LYZL4: variants seen among roughly 807,000 people sequenced by gnomAD.
LYZL4 encodes the protein lysozyme-like protein 4.
A neutral mutation model predicts 17.6 loss-of-function variants in LYZL4; 13 were observed. The ratio of observed to expected loss-of-function variants is 0.74; its 90% CI spans 0.48 to 1.18. The LOEUF (loss-of-function observed/expected upper bound fraction) is 1.18. LYZL4 is among the 50% of genes most tolerant of loss of function. The pLI is 0.00. For synonymous variants in LYZL4, 64 were observed against 67.7 expected (o/e 0.95, Z 0.27); for missense variants, 174 against 188.2 (o/e 0.92, Z 0.44).
At chr3:42,372,051 C>T in the LYZL4 span, among the ~76,000 whole-genome samples, 1 of 152,188 alleles carries the variant, frequency 6.6e-6, no homozygotes, top group Admixed American at 6.5e-5. Context: ...TGTCTCAGCA[C>T]AATTGGTTCC....
At chr3:42,378,529 C>G in the LYZL4 span, among the ~76,000 whole-genome samples, 1 of 152,230 alleles carries the variant, frequency 6.6e-6, no homozygotes, top group African/African-American at 2.4e-5. Context: ...GTCTCCACCA[C>G]TGAACACATG....
At chr3:42,378,661 A>G in the LYZL4 span, among the ~76,000 whole-genome samples, 2 of 151,822 alleles carry the variant, frequency 1.3e-5, no homozygotes, top group African/African-American at 4.8e-5. Context: ...GTGCACCTCA[A>G]CTCAGCTGGT....
downstream of LYZL4, among the ~76,000 whole-genome samples, chr3:42,395,560 T>C (rs191043527): frequency 3.2e-3 from 493 of 152,304 alleles, 4 homozygotes; most frequent in South Asian, 6.4e-3. Flanking sequence ...TAAGTCAGGA[T>C]TGCCCACTTT....
At chr3:42,376,681 C>G in the LYZL4 span, among the ~76,000 whole-genome samples, 1 of 152,170 alleles carries the variant, frequency 6.6e-6, no homozygotes, top group African/African-American at 2.4e-5. Context: ...ATATGAGCAG[C>G]ACCTGGCCCT....
At chr3:42,368,911 T>C in the LYZL4 span, among the ~76,000 whole-genome samples, 1 of 152,382 alleles carries the variant, frequency 6.6e-6, no homozygotes, top group Admixed American at 6.5e-5. Context: ...TATTTGTTTA[T>C]TGGCCACTTG....
chr3:42,405,111 C>T (rs190472788), intron 3 of LYZL4, among the ~76,000 whole-genome samples: 3 of 152,174 alleles, frequency 2.0e-5, no homozygotes, highest in East Asian at 1.9e-4. Context: ...TACTGTGGCG[C>T]GATCTGGGCT....
chr3:42,408,905 C>G (rs1451706846), intron 1 of LYZL4, among the ~76,000 whole-genome samples: 1 of 152,140 alleles, frequency 6.6e-6, no homozygotes, highest in Non-Finnish European at 1.5e-5. Context: ...CAAAAATGTT[C>G]CTATGGGACA....
At chr3:42,365,055 T>C in the LYZL4 span, among the ~76,000 whole-genome samples, 2 of 152,184 alleles carry the variant, frequency 1.3e-5, no homozygotes, top group Non-Finnish European at 2.9e-5. Flanking sequence ...AACATGTCAG[T>C]GTCATACAAA....
intron 4 of LYZL4, among the ~76,000 whole-genome samples, chr3:42,401,410 T>C (rs950458193): frequency 2.6e-5 from 4 of 152,042 alleles, no homozygotes; most frequent in African/African-American, 9.7e-5. Context: ...GAGATGGGGT[T>C]TCGCCATGTT....
chr3:42,406,230 G>A (rs1288054932), intron 3 of LYZL4, among the ~76,000 whole-genome samples: 1 of 152,144 alleles, frequency 6.6e-6, no homozygotes, highest in Non-Finnish European at 1.5e-5. Context: ...GAGACGGGCA[G>A]ATCACGAGGT....
the LYZL4 span, among the ~76,000 whole-genome samples, chr3:42,381,827 G>A: frequency 6.6e-6 from 1 of 152,232 alleles, no homozygotes; most frequent in East Asian, 1.9e-4. Flanking sequence ...AAGACACTCA[G>A]TGGGAGAGAC....
the LYZL4 span, among the ~76,000 whole-genome samples, chr3:42,373,489 C>T: frequency 6.6e-6 from 1 of 152,092 alleles, no homozygotes; most frequent in Non-Finnish European, 1.5e-5. Flanking sequence ...ACACACACAC[C>T]CTTACCCAGC....
chr3:42,406,820 C>G, intron 3 of LYZL4, 26 bp downstream of exon 3: 1 of 1,612,330 alleles, frequency 6.2e-7, no homozygotes, highest in Non-Finnish European at 8.5e-7. Context: ...CCAGTGCCCC[C>G]GCACGGAATG....
chr3:42,364,340 T>A, the LYZL4 span, among the ~76,000 whole-genome samples: 2 of 125,670 alleles, frequency 1.6e-5, no homozygotes, highest in Non-Finnish European at 3.2e-5. Flanking sequence ...CTTTTTCTTT[T>A]CTTTTTTTTT....
chr3:42,396,942 T>C (rs1272977301), downstream of LYZL4: 1 of 200,018 alleles, frequency 5.0e-6, no homozygotes, highest in African/African-American at 2.3e-5. Context: ...AGTATTGACA[T>C]TCATGGACAC....
At chr3:42,395,186 A>T (rs1487612056), downstream of LYZL4, among the ~76,000 whole-genome samples, 2 of 152,178 alleles carry the variant, frequency 1.3e-5, no homozygotes, top group African/African-American at 4.8e-5. Context: ...TCTAACTTAC[A>T]GCCATTTCTT....
chr3:42,375,331 T>A, the LYZL4 span, among the ~76,000 whole-genome samples: 3 of 152,236 alleles, frequency 2.0e-5, no homozygotes, highest in Admixed American at 2.0e-4. Flanking sequence ...CCTCAGCCTC[T>A]CTAGCTTCTG....
the LYZL4 span, among the ~76,000 whole-genome samples, chr3:42,367,785 T>G: frequency 6.6e-6 from 1 of 152,232 alleles, no homozygotes; most frequent in East Asian, 1.9e-4. Flanking sequence ...CAGGGTGAAC[T>G]AAAATGCTAT....
At chr3:42,366,013 G>A in the LYZL4 span, among the ~76,000 whole-genome samples, 9 of 152,076 alleles carry the variant, frequency 5.9e-5, no homozygotes, top group African/African-American at 1.7e-4. Context: ...TGAATTAAAC[G>A]TACCTACTTC....
Sources: gnomAD v4.1 joint callset for allele counts (sites outside exome capture counted in the v4.1 genomes callset) on GRCh38, gnomAD v4.1.1 for gene constraint, MANE v1.5 for transcripts, NCBI Gene and HGNC (gene_info 2026-07-23, HGNC 2026-07-21) for gene names.